Variants in SAMD4A observed in about 807,000 individuals in gnomAD.
The protein encoded by SAMD4A is sterile alpha motif domain containing 4A.
Under a neutral mutation model 81.3 loss-of-function variants are expected in SAMD4A, and 33 were observed. The observed-to-expected ratio is 0.41, with a 90% CI of 0.31 to 0.54. SAMD4A has a LOEUF of 0.54. SAMD4A is among the 20% of genes least tolerant of loss of function. The pLI is 0.37. For synonymous variants in SAMD4A, 389 were observed against 382.1 expected (o/e 1.02, Z -0.21); for missense variants, 854 against 951.1 (o/e 0.90, Z 1.34).
At position 54,624,950 on chromosome 14, in the gene SAMD4A, A is replaced by C. The variant is rs570966476; in HGVS notation, c.196+56838A>C. On this transcript the variant is annotated intron_variant, in intron 2 of 12. Coordinates refer to ENST00000554335, the MANE Select transcript of SAMD4A (RefSeq NM_015589.6). The stretch of plus-strand genomic sequence containing the variant: ...TTTTGTCACTAATAGAAGTCTTTGA[A>C]ATACATATCTGGAATGACAGCAATA... Among the ~76,000 whole-genome samples, 14 of 152,320 alleles carry C rather than the reference A, an allele frequency of 9.2e-5. No homozygotes were observed. In the South Asian group the frequency reaches 2.9e-3, roughly 32 times the overall value.
intron 2 of SAMD4A, chr14:54,685,603 G>T: frequency 1.0e-4 from 43 of 425,908 alleles, no homozygotes; most frequent in Admixed American, 5.6e-4. Context: ...TTTCTTTGTG[G>T]TTTCAGAAAA....
intron 8 of SAMD4A, among the ~76,000 whole-genome samples, chr14:54,768,885 T>G (rs2038628973): frequency 6.6e-6 from 1 of 152,210 alleles, no homozygotes; most frequent in Admixed American, 6.5e-5. Flanking sequence ...TCCTTAAAGA[T>G]TCAGCATCAC....
At chr14:54,623,619 A>G (rs965760614) in intron 2 of SAMD4A, among the ~76,000 whole-genome samples, 7 of 72,802 alleles carry the variant, frequency 9.6e-5, no homozygotes, top group African/African-American at 3.5e-4. Context: ...CAAGGTAGGG[A>G]TCAGTTGGGG....
chr14:54,768,314 T>G (rs778543477), intron 8 of SAMD4A, among the ~76,000 whole-genome samples: 42 of 152,204 alleles, frequency 2.8e-4, no homozygotes, highest in African/African-American at 1.0e-3. Context: ...ATTTGAACCG[T>G]TATTAAGAGC....
At chr14:54,779,678 CTTT>C (rs11306028) in intron 11 of SAMD4A, among the ~76,000 whole-genome samples, 2 of 139,366 alleles carry the variant, frequency 1.4e-5, no homozygotes, top group African/African-American at 5.5e-5. Flanking sequence ...CATGGACAAG[CTTT>C]TTTTTTTTTT....
intron 2 of SAMD4A, among the ~76,000 whole-genome samples, chr14:54,668,566 T>A (rs1437285410): frequency 6.6e-6 from 1 of 152,190 alleles, no homozygotes; most frequent in East Asian, 1.9e-4. Flanking sequence ...TCTATCTCTG[T>A]CCTTACTTGG....
intron 2 of SAMD4A, among the ~76,000 whole-genome samples, chr14:54,619,452 A>AT (rs2140296388): frequency 6.6e-6 from 1 of 152,340 alleles, no homozygotes; most frequent in South Asian, 2.1e-4. Context: ...CTTAGAGGGA[A>AT]TGACTATAAC....
rs1404377452 is a variant in SAMD4A at position 54,567,814 on chromosome 14, A to G, written c.-103A>G. The G allele has an allele frequency of 7.9e-7, 1 of 1,273,780 alleles. No individual in the cohort carries two copies. The highest frequency in any genetic ancestry group is 2.3e-5 in the Admixed American group (1 of 42,722). The allele number at this position is 1,273,780 out of a possible 1,614,324, so 78.9% of individuals were successfully genotyped here. ...GCACCAGAGCCACCTTGGAACAGGAACGCGTCTCCGGCCGCGGGGCTGCGG... is the reference window on the plus strand; with the variant it reads ...GCACCAGAGCCACCTTGGAACAGGAGCGCGTCTCCGGCCGCGGGGCTGCGG... On this transcript the variant is annotated 5_prime_UTR_variant, in exon 2 of 13. Coordinates refer to ENST00000554335, the MANE Select transcript of SAMD4A (RefSeq NM_015589.6).
Position 54,567,843 on chromosome 14 carries a change from C to T in SAMD4A, c.-74C>T, listed in dbSNP as rs1420466272. Reference sequence around the variant, plus strand: ...GTCTCCGGCCGCGGGGCTGCGGCTCCGCCAAACTTTGGGGCGGGCGGGGCG... The same window carrying T: ...GTCTCCGGCCGCGGGGCTGCGGCTCTGCCAAACTTTGGGGCGGGCGGGGCG... On this transcript the variant is annotated 5_prime_UTR_variant, in exon 2 of 13. Transcript: ENST00000554335. The T allele has an allele frequency of 6.6e-7, 1 of 1,522,112 alleles. No individual in the cohort carries two copies. The highest frequency in any genetic ancestry group is 8.8e-7 in the Non-Finnish European group (1 of 1,137,366). 94.3% of individuals were successfully genotyped at this position (1,522,112 alleles called of 1,614,324 possible).
intron 12 of SAMD4A, among the ~76,000 whole-genome samples, chr14:54,785,258 G>A (rs535302119): frequency 6.6e-6 from 1 of 152,334 alleles, no homozygotes; most frequent in East Asian, 1.9e-4. Flanking sequence ...GTGCTGTGCA[G>A]GGCTGTGGCC....
chr14:54,580,489 T>C (rs1448356767), intron 2 of SAMD4A, among the ~76,000 whole-genome samples: 1 of 152,238 alleles, frequency 6.6e-6, no homozygotes, highest in African/African-American at 2.4e-5. Flanking sequence ...TTATGCAGAA[T>C]CTGACTTGGC....
chr14:54,743,596 C>T (rs895665617), intron 4 of SAMD4A, among the ~76,000 whole-genome samples: 18 of 152,206 alleles, frequency 1.2e-4, no homozygotes, highest in African/African-American at 3.4e-4. Context: ...ACAGCACTTT[C>T]GCCTGTCATC....
intron 3 of SAMD4A, among the ~76,000 whole-genome samples, chr14:54,713,623 A>G (rs1234032559): frequency 6.6e-6 from 1 of 152,132 alleles, no homozygotes; most frequent in Non-Finnish European, 1.5e-5. Context: ...TGCTTTAGAG[A>G]TTTGTTTCAC....
chr14:54,761,604 A>T (rs2038400227), intron 7 of SAMD4A, among the ~76,000 whole-genome samples: 1 of 152,232 alleles, frequency 6.6e-6, no homozygotes, highest in Admixed American at 6.5e-5. Flanking sequence ...CTTCATGTGA[A>T]TTACAAGATG....
intron 2 of SAMD4A, among the ~76,000 whole-genome samples, chr14:54,672,130 GC>G (rs1250803238): frequency 1.4e-5 from 2 of 144,668 alleles, no homozygotes; most frequent in African/African-American, 5.1e-5. Flanking sequence ...TTGCCTTGTT[GC>G]CCAGGCTGGA....
chr14:54,592,575 T>C (rs2033808210), intron 2 of SAMD4A, among the ~76,000 whole-genome samples: 1 of 152,200 alleles, frequency 6.6e-6, no homozygotes, highest in Non-Finnish European at 1.5e-5. Context: ...TTCTCCTGCC[T>C]CAGCCTCCCA....
intron 2 of SAMD4A, among the ~76,000 whole-genome samples, chr14:54,626,049 T>C (rs890715919): frequency 1.6e-5 from 2 of 128,192 alleles, no homozygotes; most frequent in East Asian, 4.2e-4. Context: ...TGTGTGTGTG[T>C]GTGTGTGTGT....
intron 2 of SAMD4A, among the ~76,000 whole-genome samples, chr14:54,675,391 A>T (rs1217024210): frequency 6.6e-6 from 1 of 150,696 alleles, no homozygotes; most frequent in Non-Finnish European, 1.5e-5. Flanking sequence ...AAAAAAAGGC[A>T]GAGAATCCCC....
intron 2 of SAMD4A, among the ~76,000 whole-genome samples, chr14:54,604,667 C>T (rs900872713): frequency 6.6e-5 from 10 of 152,128 alleles, no homozygotes; most frequent in Admixed American, 2.0e-4. Context: ...GAAAAAAGGG[C>T]TCCCTGTCTT....
Sources: gnomAD v4.1 joint callset for allele counts (sites outside exome capture counted in the v4.1 genomes callset) on GRCh38, gnomAD v4.1.1 for gene constraint, MANE v1.5 for transcripts, NCBI Gene and HGNC (gene_info 2026-07-23, HGNC 2026-07-21) for gene names.